Variants in ARVCF observed in about 807,000 individuals in gnomAD.
ARVCF encodes the protein splicing regulator ARVCF.
Under a neutral mutation model 90.9 loss-of-function variants are expected in ARVCF, and 66 were observed. The ratio of observed to expected loss-of-function variants is 0.73; its 90% confidence interval spans 0.60 to 0.89. The LOEUF (loss-of-function observed/expected upper bound fraction) is 0.89. ARVCF is among the 40% of genes least tolerant of loss of function. The probability of loss-of-function intolerance (pLI) is 0.00; values close to 1 mark genes in which losing one functional copy is unlikely to be tolerated. For synonymous variants in ARVCF, 653 were observed against 603.4 expected (o/e 1.08, Z -1.21); for missense variants, 1,469 against 1,382.3 (o/e 1.06, Z -1.00).
rs1942975107 is a variant in ARVCF, at chr22:19,973,648, A to C, written c.2234T>G (p.Leu745Arg). The C allele has an allele frequency of 6.2e-7, 1 of 1,605,962 alleles. No individual in the cohort carries two copies. The highest frequency in any genetic ancestry group is 1.1e-5 in the South Asian group (1 of 90,882). The change falls in exon 13 of 20, where the codon CTC becomes CGC. Residue 745 changes from leucine (L) to arginine (R), a missense_variant. Transcript: ENST00000263207. ...GGCTTTGCAGGCGTCCTCACCGATG[A>C]GGTCTTTGTTGCGCCGGTCCAGCGA... ...NLSLDRRNKD[L>R]IGSYAMAELV...
chr22:19,987,188 G>A (rs1043719648), intron 3 of ARVCF: 207 of 412,674 alleles, frequency 5.0e-4, no homozygotes, highest in Non-Finnish European at 6.5e-4. Context: ...GCTCAGGCTC[G>A]GCGGACTCGC....
chr22:19,979,412 G>A, intron 6 of ARVCF: 4 of 518,974 alleles, frequency 7.7e-6, no homozygotes, highest in Admixed American at 3.5e-5. Context: ...GCTCTCACAA[G>A]GCACAAGCCC....
In ARVCF at chr22:19,984,104, G is replaced by A. The variant is rs374029918; in HGVS notation, c.211-2013C>T. 8.5e-5 allele frequency among the ~76,000 whole-genome samples: 13 copies of A among 152,286 alleles called. No individual in the cohort carries two copies. The South Asian group carries it at 2.3e-3, about 27-fold the overall frequency. ...CAGTTCTGGCGACAGAGTGAGGAGG[G>A]TATAAAGCAAGACTGAGGAAACGTT... On this transcript the variant is annotated intron_variant, in intron 3 of 19. Coordinates refer to ENST00000263207, the MANE Select transcript of ARVCF (RefSeq NM_001670.3).
At chr22:19,986,112 G>C (rs1466560080) in intron 3 of ARVCF, among the ~76,000 whole-genome samples, 3 of 152,238 alleles carry the variant, frequency 2.0e-5, no homozygotes, top group African/African-American at 7.2e-5. Flanking sequence ...CCAAGCTGGG[G>C]GAGCAAACTT....
chr22:19,985,558 C>T (rs571841390), intron 3 of ARVCF, among the ~76,000 whole-genome samples: 6 of 152,356 alleles, frequency 3.9e-5, no homozygotes, highest in East Asian at 3.9e-4. Context: ...GGTCGTGGGA[C>T]GTGCTGGGTA....
intron 2 of ARVCF, among the ~76,000 whole-genome samples, chr22:20,007,585 T>C (rs1944677257): frequency 6.6e-6 from 1 of 152,116 alleles, no homozygotes; most frequent in African/African-American, 2.4e-5. Context: ...CTCTAAGAGG[T>C]GTTTAGGTCA....
chr22:19,989,091 A>G (rs1943929109), intron 3 of ARVCF, among the ~76,000 whole-genome samples: 1 of 152,140 alleles, frequency 6.6e-6, no homozygotes, highest in Admixed American at 6.5e-5. Flanking sequence ...CCTCGGGGTC[A>G]CTGGCTTCCA....
At chr22:19,985,190 A>T (rs1943701122) in intron 3 of ARVCF, among the ~76,000 whole-genome samples, 1 of 152,086 alleles carries the variant, frequency 6.6e-6, no homozygotes, top group Non-Finnish European at 1.5e-5. Flanking sequence ...CACATGCTGC[A>T]TCCTGTCAGT....
At chr22:19,997,105 G>A (rs1569184749) in intron 2 of ARVCF, among the ~76,000 whole-genome samples, 3 of 152,250 alleles carry the variant, frequency 2.0e-5, no homozygotes, top group Admixed American at 6.5e-5. Flanking sequence ...GGGGCATGCT[G>A]GATGGGAGGT....
At chr22:20,004,514 C>G (rs1395000802) in intron 2 of ARVCF, among the ~76,000 whole-genome samples, 1 of 151,846 alleles carries the variant, frequency 6.6e-6, no homozygotes. Context: ...AAAAAAAAAT[C>G]CCAATGACAT....
chr22:19,996,467 T>C (rs115054586), intron 2 of ARVCF, among the ~76,000 whole-genome samples: 1,608 of 152,352 alleles, frequency 0.011, 18 homozygotes, highest in African/African-American at 0.037. Context: ...GTGTGGGGTG[T>C]GCAGGACCCA....
intron 1 of ARVCF, 36 bp downstream of exon 1, chr22:20,016,553 C>G (rs1453571820): frequency 6.6e-6 from 1 of 151,744 alleles, no homozygotes. Context: ...GGCCCCAGCC[C>G]CGGGTCCCAC....
intron 2 of ARVCF, among the ~76,000 whole-genome samples, 179 bp from the exon 3 acceptor site, chr22:19,990,991 C>T (rs571981728): frequency 3.3e-5 from 5 of 152,376 alleles, no homozygotes; most frequent in African/African-American, 1.2e-4. Context: ...CGAGGCTGGC[C>T]GGAAGCAGCC....
At chr22:19,980,437 A>C (rs1466234516) in intron 5 of ARVCF, 195 bp from the exon 6 acceptor site, 3 of 820,064 alleles carry the variant, frequency 3.7e-6, no homozygotes, top group Non-Finnish European at 5.1e-6. Flanking sequence ...ATTCAGAGCC[A>C]AATGCCAAAC....
At chr22:19,972,314 C>A in intron 17 of ARVCF, 44 bp downstream of exon 17, 1 of 1,613,218 alleles carries the variant, frequency 6.2e-7, no homozygotes. Context: ...AGGCCTTGGT[C>A]CCCTCCCGGC....
rs1337141075 is a variant in ARVCF at position 19,979,827 on chromosome 22, C to A, written c.1312G>T (p.Ala438Ser). The A allele has an allele frequency of 3.1e-6, 5 of 1,609,244 alleles. No individual in the cohort carries two copies. The highest frequency in any genetic ancestry group is 4.2e-6 in the Non-Finnish European group (5 of 1,178,774). The stretch of plus-strand genomic sequence containing the variant: ...GGCACACCACCGCAGTCCCGGATGG[C>A]GGCCTTGTTGTCAGTGTCGCGGCCA... ...SYGRDTDNKA[A>S]IRDCGGVPAL... The change falls in exon 6 of 20, where the codon GCC (alanine) becomes TCC (serine). Residue 438 changes from alanine to serine, a missense_variant. Ala to Ser is a moderately conservative substitution (Grantham distance 99). Transcript: ENST00000263207.
rs1489317702 is a variant in ARVCF at position 19,976,709 on chromosome 22, G to T, written c.1885C>A (p.Gln629Lys). 6.4e-7 allele frequency: 1 copy of T among 1,560,450 alleles called. No homozygotes were observed. The highest frequency in any genetic ancestry group is 1.9e-5 in the Admixed American group (1 of 51,582). The stretch of plus-strand genomic sequence containing the variant: ...AGCAGGATAAAAAGGGACTCACCTT[G>T]GTGGAACCACTCCTCTGGGAGGCCG... ...GKKAKEEWFHQGKKDGEMDRN... is the reference protein window; with the variant it reads ...GKKAKEEWFHKGKKDGEMDRN... The change falls in exon 10 of 20, where the codon CAA becomes AAA. Residue 629 changes from glutamine to lysine, a missense_variant. By Grantham distance (53) the Gln-to-Lys change is moderately conservative. Coordinates refer to ENST00000263207, the MANE Select transcript of ARVCF (RefSeq NM_001670.3).
At chr22:20,000,255 A>C (rs1944398915) in intron 2 of ARVCF, among the ~76,000 whole-genome samples, 1 of 152,272 alleles carries the variant, frequency 6.6e-6, no homozygotes, top group Non-Finnish European at 1.5e-5. Flanking sequence ...GGCTGCTCCC[A>C]GGGTGCCTGG....
chr22:20,010,867 C>A (rs1488875737), intron 1 of ARVCF, among the ~76,000 whole-genome samples: 1 of 152,232 alleles, frequency 6.6e-6, no homozygotes, highest in Non-Finnish European at 1.5e-5. Context: ...GTCCTGTTGC[C>A]CCACGCAGGT....
Sources: allele counts gnomAD v4.1 joint callset (sites outside exome capture counted in the v4.1 genomes callset), GRCh38; gene constraint gnomAD v4.1.1; transcripts MANE v1.5; gene names NCBI Gene and HGNC (gene_info 2026-07-23, HGNC 2026-07-21).